The following THOC2 variants were observed in gnomAD, a reference collection of about 807,000 sequenced individuals.
THOC2 encodes THO complex 2.
Under a neutral mutation model 128.4 loss-of-function variants are expected in THOC2, and 10 were observed. The ratio of observed to expected loss-of-function variants is 0.08; its 90% CI spans 0.05 to 0.13. THOC2 has a LOEUF of 0.13. Ranked by LOEUF, THOC2 falls within the 10% of genes least tolerant of loss-of-function variation. The pLI, the probability that THOC2 is intolerant of heterozygous loss-of-function variation, is 1.00. For missense variants in THOC2, 535 were observed against 1,155.7 expected (o/e 0.46, Z 7.79); for synonymous variants, 393 against 396.9 (o/e 0.99, Z 0.12).
intron 1 of THOC2, among the ~76,000 whole-genome samples, chrX:123,731,957 T>G (rs2052283330): frequency 8.9e-6 from 1 of 111,755 alleles, no homozygotes; most frequent in Non-Finnish European, 1.9e-5. Flanking sequence ...GGTTGAGCTT[T>G]AGCATCTAAA....
At chrX:123,694,183 G>T (rs1291727763) in intron 7 of THOC2, among the ~76,000 whole-genome samples, 1 of 110,388 alleles carries the variant, frequency 9.1e-6, no homozygotes, top group Non-Finnish European at 1.9e-5. Context: ...AAATAGCACA[G>T]AATTTTTATG....
Position 123,621,329 on chromosome X carries a change from G to A in THOC2, c.4044C>T (p.Asn1348=), listed in dbSNP as rs187919564. The change falls in exon 31 of 39, where the codon AAC becomes AAT. Residue 1348 remains asparagine, a synonymous_variant. Coordinates refer to ENST00000245838, the MANE Select transcript of THOC2 (RefSeq NM_001081550.2). ...KDEKFKTTVP[N]AESKSTQERE... is the part of the protein sequence containing the mutation. ...TTTCTTGAGTTGATTTTGATTCTGCGTTGGGGACAGTGGTCTTAAATTTCT... is the reference window on the plus strand; with the variant it reads ...TTTCTTGAGTTGATTTTGATTCTGCATTGGGGACAGTGGTCTTAAATTTCT... The A allele has an allele frequency of 1.3e-4, 153 of 1,208,459 alleles. No individual in the cohort carries two copies. In the African/African-American group the frequency reaches 2.2e-3, roughly 17 times the overall value.
intron 11 of THOC2, among the ~76,000 whole-genome samples, chrX:123,666,733 A>G (rs903114593): frequency 6.2e-5 from 7 of 112,057 alleles, no homozygotes; most frequent in African/African-American, 2.3e-4. Flanking sequence ...AGAGCCACTC[A>G]GCCAGGATGG....
rs149548128 is a variant in THOC2, at chrX:123,685,799, T to C, written c.768+749A>G. On this transcript the variant is annotated intron_variant, in intron 8 of 38. Coordinates refer to ENST00000245838, the MANE Select transcript of THOC2 (RefSeq NM_001081550.2). ...AGTAGAAATAATCAGAGACACAGAT[T>C]AGCTTGACCGCTATTTTAGTGGCTT... is the stretch of plus-strand genomic sequence containing the variant. Among the ~76,000 whole-genome samples the C allele has an allele frequency of 3.9e-3, 436 of 111,639 alleles. 2 individuals carry two copies. Among genetic ancestry groups the C allele is most frequent in the African/African-American group, 0.014 (421 of 30,766 alleles).
At chrX:123,633,084 C>A in intron 20 of THOC2, 44 bp from the exon 21 acceptor site, 1 of 978,628 alleles carries the variant, frequency 1.0e-6, no homozygotes, top group Non-Finnish European at 1.4e-6. Flanking sequence ...CAGTACATAA[C>A]CCATGCTAAT....
intron 8 of THOC2, among the ~76,000 whole-genome samples, chrX:123,672,773 G>A (rs981854316): frequency 8.9e-6 from 1 of 112,129 alleles, no homozygotes; most frequent in African/African-American, 3.2e-5. Context: ...GCTGAGGTCA[G>A]ATGAATGGAA....
chrX:123,686,189 T>G (rs1317412852), intron 8 of THOC2, among the ~76,000 whole-genome samples: 1 of 111,439 alleles, frequency 9.0e-6, no homozygotes, highest in Non-Finnish European at 1.9e-5. Flanking sequence ...TCTCTATATA[T>G]TCACACTGCC....
intron 19 of THOC2, among the ~76,000 whole-genome samples, chrX:123,635,729 T>C (rs1043480144): frequency 3.6e-5 from 4 of 111,896 alleles, no homozygotes; most frequent in Non-Finnish European, 7.5e-5. Context: ...GTGACACAGG[T>C]CAATTACTGC....
At chrX:123,614,841 C>A (rs1409873946) in intron 33 of THOC2, among the ~76,000 whole-genome samples, 1 of 111,011 alleles carries the variant, frequency 9.0e-6, no homozygotes, top group Non-Finnish European at 1.9e-5. Flanking sequence ...CCTCAGAAAG[C>A]CATCTAGTCA....
At chrX:123,671,376 T>C (rs746876348) in intron 9 of THOC2, among the ~76,000 whole-genome samples, 1 of 112,053 alleles carries the variant, frequency 8.9e-6, no homozygotes, top group South Asian at 3.7e-4. Context: ...AGCTATGCCT[T>C]GATGACAGTT....
intron 12 of THOC2, among the ~76,000 whole-genome samples, chrX:123,659,023 T>C (rs757821611): frequency 5.3e-5 from 6 of 112,242 alleles, no homozygotes; most frequent in Non-Finnish European, 9.4e-5. Flanking sequence ...AACATTTGAG[T>C]ATGTCAGGTG....
At chrX:123,647,272 T>C (rs748916463) in intron 12 of THOC2, among the ~76,000 whole-genome samples, 1 of 111,996 alleles carries the variant, frequency 8.9e-6, no homozygotes, top group Non-Finnish European at 1.9e-5. Context: ...TAAAAGCAAT[T>C]TTCTTTTGTT....
At chrX:123,685,099 G>A (rs2049950837) in intron 8 of THOC2, among the ~76,000 whole-genome samples, 1 of 112,500 alleles carries the variant, frequency 8.9e-6, no homozygotes, top group Non-Finnish European at 1.9e-5. Flanking sequence ...ATGCTATCAA[G>A]AGAATTGTCT....
At chrX:123,687,252 G>A (rs1325609986) in intron 7 of THOC2, among the ~76,000 whole-genome samples, 1 of 111,079 alleles carries the variant, frequency 9.0e-6, no homozygotes, top group Non-Finnish European at 1.9e-5. Context: ...ATATACCACT[G>A]ATTTATATCC....
chrX:123,661,499 G>A (rs2048829992), intron 12 of THOC2, among the ~76,000 whole-genome samples: 1 of 110,916 alleles, frequency 9.0e-6, no homozygotes, highest in African/African-American at 3.3e-5. Flanking sequence ...AACAGAGGCT[G>A]GGGGTGAGGG....
chrX:123,686,718 C>T lies in THOC2; in HGVS notation c.602-4G>A. 1 of 1,159,033 alleles carries T rather than the reference C, an allele frequency of 8.6e-7. No individual in the cohort carries two copies. The highest frequency in any genetic ancestry group is 1.2e-6 in the Non-Finnish European group (1 of 866,613). On this transcript the variant is annotated splice_region_variant and splice_polypyrimidine_tract_variant and intron_variant, in intron 7 of 38. Transcript: ENST00000245838. ...TTGGGATCCAGATTAAAGCATCCTG[C>T]AACAGATGAGACATACAAAAATTTA...
chrX:123,664,929 A>G (rs1264608115), intron 12 of THOC2, among the ~76,000 whole-genome samples: 2 of 112,093 alleles, frequency 1.8e-5, no homozygotes, highest in Non-Finnish European at 3.8e-5. Context: ...TCTTACACAT[A>G]GCAGCAATGA....
intron 1 of THOC2, among the ~76,000 whole-genome samples, chrX:123,726,299 C>T (rs1192812762): frequency 1.8e-5 from 2 of 109,500 alleles, no homozygotes; most frequent in Non-Finnish European, 3.8e-5. Flanking sequence ...CCTTTGTACT[C>T]GGGCTACTAA....
chrX:123,697,821 A>C (rs1025479611), intron 4 of THOC2, 70 bp from the exon 5 acceptor site: 2 of 475,089 alleles, frequency 4.2e-6, no homozygotes, highest in African/African-American at 4.9e-5. Flanking sequence ...TAAGATACTT[A>C]TTTTATTTGA....
Sources: gnomAD v4.1 joint callset for allele counts (sites outside exome capture counted in the v4.1 genomes callset) on GRCh38, gnomAD v4.1.1 for gene constraint, MANE v1.5 for transcripts, NCBI Gene and HGNC (gene_info 2026-07-23, HGNC 2026-07-21) for gene names.